SEC24B: variants seen among roughly 807,000 people sequenced by gnomAD.
SEC24B encodes the protein protein transport protein Sec24B.
Under a neutral mutation model 142.8 loss-of-function variants are expected in SEC24B, and 45 were observed. The observed-to-expected ratio is 0.32, with a 90% CI of 0.25 to 0.40. The LOEUF (loss-of-function observed/expected upper bound fraction) is 0.40. Ranked by LOEUF, SEC24B falls within the 10% of genes least tolerant of loss-of-function variation. The pLI, the probability that SEC24B is intolerant of heterozygous loss-of-function variation, is 1.00. For synonymous variants in SEC24B, 574 were observed against 568.2 expected (o/e 1.01, Z -0.15); for missense variants, 1,409 against 1,526.8 (o/e 0.92, Z 1.29).
chr4:109,534,381 T>C (rs1725270700), intron 22 of SEC24B, among the ~76,000 whole-genome samples: 1 of 151,908 alleles, frequency 6.6e-6, no homozygotes. Context: ...AGTCAGGAGA[T>C]TGAGACCATC....
intron 19 of SEC24B, 84 bp from the exon 20 acceptor site, chr4:109,531,301 C>T (rs1313851402): frequency 1.7e-6 from 2 of 1,157,214 alleles, no homozygotes; most frequent in African/African-American, 3.1e-5. Flanking sequence ...CATGCTTTTT[C>T]CATGATTGAC....
At chr4:109,468,326 CT>C (rs1732174561) in intron 2 of SEC24B, among the ~76,000 whole-genome samples, 2 of 152,146 alleles carry the variant, frequency 1.3e-5, no homozygotes, top group African/African-American at 2.4e-5. Flanking sequence ...GTGCCCACTA[CT>C]TGTAAATTTT....
chr4:109,517,881 GGAGGGAACTGATT>G (rs1723121411), intron 11 of SEC24B, among the ~76,000 whole-genome samples: 1 of 152,152 alleles, frequency 6.6e-6, no homozygotes, highest in African/African-American at 2.4e-5. Flanking sequence ...TTAAAGGGAA[GGAGGGAACTGATT>G]TTGTGCTAAA....
intron 4 of SEC24B, among the ~76,000 whole-genome samples, chr4:109,482,963 T>C (rs868614872): frequency 0.051 from 2,863 of 56,636 alleles, 327 homozygotes; most frequent in African/African-American, 0.33. Context: ...TATATATATA[T>C]ATATATATAT....
intron 3 of SEC24B, among the ~76,000 whole-genome samples, chr4:109,481,212 T>A (rs941124148): frequency 1.3e-5 from 2 of 152,142 alleles, no homozygotes; most frequent in African/African-American, 4.8e-5. Flanking sequence ...GGAACTGAGT[T>A]TACCATCAAG....
At chr4:109,464,034 C>A (rs1202104661) in intron 2 of SEC24B, among the ~76,000 whole-genome samples, 1 of 152,162 alleles carries the variant, frequency 6.6e-6, no homozygotes, top group Non-Finnish European at 1.5e-5. Flanking sequence ...CAGAGCCCCA[C>A]TTACTTAGAA....
intron 15 of SEC24B, 115 bp downstream of exon 15, chr4:109,525,056 G>A: frequency 1.1e-6 from 1 of 930,600 alleles, no homozygotes; most frequent in Non-Finnish European, 1.6e-6. Flanking sequence ...ATGTGCATTA[G>A]ATAGACAATA....
intron 6 of SEC24B, among the ~76,000 whole-genome samples, chr4:109,500,865 T>C (rs908543368): frequency 6.6e-6 from 1 of 152,096 alleles, no homozygotes; most frequent in Non-Finnish European, 1.5e-5. Context: ...CACCATGTTA[T>C]TCAGGCTGGT....
chr4:109,469,364 G>A (rs1240603012), intron 2 of SEC24B, among the ~76,000 whole-genome samples: 2 of 152,032 alleles, frequency 1.3e-5, no homozygotes, highest in Non-Finnish European at 2.9e-5. Context: ...TATGTTCCAT[G>A]AGTTGTTCTA....
In SEC24B at chr4:109,499,763, C is replaced by T. The variant is rs1291361828; in HGVS notation, c.1488+4907C>T. ...TAAAAGTATAACACATACAGTTATG[C>T]ACAGTACATAATACTTGATAATGAA... On this transcript the variant is annotated intron_variant, in intron 6 of 23. Transcript: ENST00000265175. Among the ~76,000 whole-genome samples the T allele has an allele frequency of 5.9e-5, 9 of 152,204 alleles. 1 individual carries two copies. Among genetic ancestry groups the T allele is most frequent in the Admixed American group, 5.9e-4 (9 of 15,278 alleles).
intron 16 of SEC24B, among the ~76,000 whole-genome samples, 187 bp from the exon 17 acceptor site, chr4:109,526,039 C>T (rs1407533688): frequency 3.9e-5 from 6 of 152,018 alleles, no homozygotes; most frequent in Non-Finnish European, 7.4e-5. Flanking sequence ...GTATAGTCTC[C>T]CTTTTATATA....
chr4:109,465,254 A>C (rs1287556755), intron 2 of SEC24B, among the ~76,000 whole-genome samples: 3 of 152,188 alleles, frequency 2.0e-5, no homozygotes, highest in Non-Finnish European at 4.4e-5. Context: ...ACAGTTCCGA[A>C]ATCTGGCTGT....
chr4:109,479,192 T>TGCATCATG (rs1733475189), intron 3 of SEC24B, among the ~76,000 whole-genome samples: 1 of 152,216 alleles, frequency 6.6e-6, no homozygotes, highest in Admixed American at 6.5e-5. Context: ...AACAGAGTGC[T>TGCATCATG]GCATCATGTT....
At chr4:109,468,676 T>A (rs1273644728) in intron 2 of SEC24B, among the ~76,000 whole-genome samples, 1 of 152,080 alleles carries the variant, frequency 6.6e-6, no homozygotes, top group African/African-American at 2.4e-5. Context: ...ATTATCTAGG[T>A]GAAGGATGAT....
At chr4:109,482,979 T>TATATATATACACACACACAC (rs781527364) in intron 4 of SEC24B, among the ~76,000 whole-genome samples, 7 of 26,410 alleles carry the variant, frequency 2.7e-4, no homozygotes, top group Non-Finnish European at 3.8e-4. Context: ...TATATATATA[T>TATATATATACACACACACAC]ACACACACAC....
intron 5 of SEC24B, among the ~76,000 whole-genome samples, chr4:109,492,505 T>C (rs1172404273): frequency 6.6e-6 from 1 of 152,234 alleles, no homozygotes; most frequent in South Asian, 2.1e-4. Flanking sequence ...AGTCAGACTT[T>C]GGTTTCTTTG....
intron 1 of SEC24B, among the ~76,000 whole-genome samples, chr4:109,444,126 G>C (rs1385232305): frequency 6.6e-6 from 1 of 151,576 alleles, no homozygotes; most frequent in Non-Finnish European, 1.5e-5. Context: ...GGAGGCTGTG[G>C]CTGGAGAATT....
At chr4:109,496,041 A>G (rs1735508768) in intron 6 of SEC24B, among the ~76,000 whole-genome samples, 1 of 152,224 alleles carries the variant, frequency 6.6e-6, no homozygotes, top group Non-Finnish European at 1.5e-5. Flanking sequence ...TGATATTTAT[A>G]CAGTTAAATA....
chr4:109,490,272 A>G (rs1561127959), intron 4 of SEC24B, among the ~76,000 whole-genome samples: 5 of 151,560 alleles, frequency 3.3e-5, no homozygotes, highest in Admixed American at 2.0e-4. Flanking sequence ...AAATGTTCCT[A>G]CACAAAAAAC....
Sources: gnomAD v4.1 joint callset for allele counts (sites outside exome capture counted in the v4.1 genomes callset) on GRCh38, gnomAD v4.1.1 for gene constraint, MANE v1.5 for transcripts, NCBI Gene and HGNC (gene_info 2026-07-23, HGNC 2026-07-21) for gene names.